The following PDE7B variants were observed in gnomAD, a reference collection of about 807,000 sequenced individuals.
PDE7B encodes phosphodiesterase 7B, also known as 3',5'-cyclic-AMP phosphodiesterase 7B.
Under a neutral mutation model 56.2 loss-of-function variants are expected in PDE7B, and 29 were observed. The ratio of observed to expected loss-of-function variants is 0.52; its 90% confidence interval spans 0.38 to 0.70. PDE7B has a LOEUF of 0.70. Ranked by LOEUF, PDE7B falls within the 30% of genes least tolerant of loss-of-function variation. The pLI is 0.00. For missense variants in PDE7B, 490 were observed against 565.0 expected (o/e 0.87, Z 1.35); for synonymous variants, 197 against 196.9 (o/e 1.00, Z 0.00).
intron 8 of PDE7B, chr6:136,156,033 G>A (rs1778597413): frequency 2.0e-6 from 1 of 502,730 alleles, no homozygotes; most frequent in Middle Eastern, 4.0e-4. Flanking sequence ...GTAAATACTT[G>A]TGCTGTTCTT....
chr6:136,151,070 C>A, intron 5 of PDE7B, 90 bp from the exon 6 acceptor site: 1 of 701,684 alleles, frequency 1.4e-6, no homozygotes, highest in Non-Finnish European at 2.5e-6. Flanking sequence ...ATCACAGAAA[C>A]TTTATTACAG....
Position 135,971,817 on chromosome 6 carries a change from T to C in PDE7B, c.82+24293T>C, listed in dbSNP as rs186268559. On this transcript the variant is annotated intron_variant, in intron 2 of 12. Coordinates refer to ENST00000308191, the MANE Select transcript of PDE7B (RefSeq NM_018945.4). ...AGTCCAGATAAAATAGAAATACATG[T>C]GAAAGTACCTTACAAAGTATGAAAC... Among the ~76,000 whole-genome samples, 220 of 152,280 alleles carry C rather than the reference T, an allele frequency of 1.4e-3. 1 individual carries two copies. Among genetic ancestry groups the C allele is most frequent in the African/African-American group, 5.1e-3 (213 of 41,564 alleles).
At chr6:135,919,678 G>C (rs1774029089) in intron 1 of PDE7B, among the ~76,000 whole-genome samples, 2 of 152,226 alleles carry the variant, frequency 1.3e-5, no homozygotes, top group African/African-American at 2.4e-5. Flanking sequence ...AAATAGAAGA[G>C]AGTTTAAATT....
In PDE7B at chr6:135,958,833, C is replaced by T. The variant is rs534451971; in HGVS notation, c.82+11309C>T. Among the ~76,000 whole-genome samples, 7 of 152,152 alleles carry T rather than the reference C, an allele frequency of 4.6e-5. No individual in the cohort carries two copies. In the South Asian group the frequency reaches 1.5e-3, roughly 32 times the overall value. ...CAGTTTTCATAAACCCAACATTTTC[C>T]CCTCTCACTGAATAATGCATGTTTT... On this transcript the variant is annotated intron_variant, in intron 2 of 12. Transcript: ENST00000308191.
At chr6:136,097,774 C>T (rs908681510) in intron 2 of PDE7B, among the ~76,000 whole-genome samples, 1 of 151,966 alleles carries the variant, frequency 6.6e-6, no homozygotes, top group Non-Finnish European at 1.5e-5. Flanking sequence ...CATTTTGCAC[C>T]GTGTCTCATC....
chr6:136,109,034 GAGATC>G (rs1228487816), intron 3 of PDE7B, among the ~76,000 whole-genome samples: 2 of 152,138 alleles, frequency 1.3e-5, no homozygotes, highest in African/African-American at 4.8e-5. Context: ...AGGGTCAAAT[GAGATC>G]AGGTCAGCTT....
At chr6:136,150,776 G>T (rs1003649049) in intron 5 of PDE7B, among the ~76,000 whole-genome samples, 1 of 152,010 alleles carries the variant, frequency 6.6e-6, no homozygotes, top group East Asian at 1.9e-4. Flanking sequence ...ACCTGTAAAT[G>T]GAATAGTCAA....
chr6:136,022,150 C>T (rs977443418), intron 2 of PDE7B, among the ~76,000 whole-genome samples: 19 of 152,194 alleles, frequency 1.2e-4, no homozygotes, highest in East Asian at 1.9e-4. Context: ...TCAGCTGAAA[C>T]GTCACTTACT....
At chr6:135,976,932 T>G (rs79416449) in intron 2 of PDE7B, among the ~76,000 whole-genome samples, 4,646 of 152,234 alleles carry the variant, frequency 0.031, 210 homozygotes, top group African/African-American at 0.099. Context: ...GGCATTGATG[T>G]CTTTACCTAG....
chr6:136,053,557 C>A (rs1261537379), intron 2 of PDE7B, among the ~76,000 whole-genome samples: 1 of 152,112 alleles, frequency 6.6e-6, no homozygotes, highest in Admixed American at 6.5e-5. Context: ...GATTTATAAT[C>A]CTTTGGGTAT....
At chr6:135,876,089 G>C (rs1433760290) in intron 1 of PDE7B, among the ~76,000 whole-genome samples, 1 of 152,144 alleles carries the variant, frequency 6.6e-6, no homozygotes, top group East Asian at 1.9e-4. Context: ...CCGATAAAAG[G>C]GGAGGGAGAA....
At chr6:136,012,058 A>G (rs1379948815) in intron 2 of PDE7B, among the ~76,000 whole-genome samples, 1 of 152,144 alleles carries the variant, frequency 6.6e-6, no homozygotes, top group Non-Finnish European at 1.5e-5. Flanking sequence ...GCTCCTGAAC[A>G]ACCCCTTTAA....
intron 1 of PDE7B, among the ~76,000 whole-genome samples, chr6:135,885,819 CAT>C (rs1000523467): frequency 7.2e-5 from 11 of 152,248 alleles, no homozygotes; most frequent in African/African-American, 2.6e-4. Context: ...GCTGAGAAAA[CAT>C]GTGAGATGGA....
chr6:135,881,574 T>G (rs1377470575), intron 1 of PDE7B, among the ~76,000 whole-genome samples: 1 of 152,164 alleles, frequency 6.6e-6, no homozygotes, highest in African/African-American at 2.4e-5. Flanking sequence ...GCAATATATT[T>G]TTTAATAACA....
intron 1 of PDE7B, among the ~76,000 whole-genome samples, chr6:135,869,651 T>C (rs1775335556): frequency 6.6e-6 from 1 of 152,142 alleles, no homozygotes; most frequent in Non-Finnish European, 1.5e-5. Flanking sequence ...TTGCTAAATC[T>C]ACGAAGAAAG....
chr6:136,008,469 AT>A (rs1367117472), intron 2 of PDE7B, among the ~76,000 whole-genome samples: 5 of 152,216 alleles, frequency 3.3e-5, no homozygotes, highest in African/African-American at 1.2e-4. Context: ...AAGTGTTCCT[AT>A]TTCTCCACAT....
chr6:136,087,441 A>C (rs2128215752), intron 2 of PDE7B, among the ~76,000 whole-genome samples: 1 of 152,294 alleles, frequency 6.6e-6, no homozygotes, highest in East Asian at 1.9e-4. Flanking sequence ...AAGAAAAAAA[A>C]AGTTGTTCCC....
chr6:136,045,056 T>G (rs1474655764), intron 2 of PDE7B: 2 of 100,038 alleles, frequency 2.0e-5, no homozygotes, highest in Non-Finnish European at 4.2e-5. Context: ...AAGTTTCAAG[T>G]TTTTTTTTTT....
At chr6:136,023,557 T>C (rs893641285) in intron 2 of PDE7B, among the ~76,000 whole-genome samples, 1 of 152,196 alleles carries the variant, frequency 6.6e-6, no homozygotes, top group African/African-American at 2.4e-5. Context: ...TCCATAATGA[T>C]GGCTCCCTTC....
Sources: allele counts gnomAD v4.1 joint callset (sites outside exome capture counted in the v4.1 genomes callset), GRCh38; gene constraint gnomAD v4.1.1; transcripts MANE v1.5; gene names NCBI Gene and HGNC (gene_info 2026-07-23, HGNC 2026-07-21).